Variants in WDFY4 observed in about 807,000 individuals in gnomAD.
WDFY4 encodes the protein WDFY family member 4.
WDFY4 carries 169 observed loss-of-function variants against 351.9 expected under a neutral mutation model. That is an observed-to-expected ratio of 0.48 (90% CI 0.42 to 0.55). The LOEUF is 0.55. Ranked by LOEUF, WDFY4 falls within the 20% of genes least tolerant of loss-of-function variation. The probability of loss-of-function intolerance (pLI) is 0.00; values close to 1 mark genes in which losing one functional copy is unlikely to be tolerated. For synonymous variants in WDFY4, 1,622 were observed against 1,574.6 expected (o/e 1.03, Z -0.71); for missense variants, 3,803 against 3,935.6 (o/e 0.97, Z 0.90).
chr10:48,944,901 C>T (rs1840959699), intron 49 of WDFY4, among the ~76,000 whole-genome samples: 1 of 152,152 alleles, frequency 6.6e-6, no homozygotes, highest in Admixed American at 6.5e-5. Context: ...AGGAATTTTT[C>T]TGAGCTGGCA....
chr10:48,697,111 C>T (rs1235856409), intron 1 of WDFY4, among the ~76,000 whole-genome samples: 1 of 152,122 alleles, frequency 6.6e-6, no homozygotes, highest in Non-Finnish European at 1.5e-5. Context: ...GTCACACAGC[C>T]CAGGCTAACA....
At chr10:48,836,040 T>C (rs2068379074) in intron 39 of WDFY4, among the ~76,000 whole-genome samples, 1 of 152,320 alleles carries the variant, frequency 6.6e-6, no homozygotes, top group South Asian at 2.1e-4. Flanking sequence ...TTTCAGACAC[T>C]GCATCCATCA....
chr10:48,796,035 A>G (rs1314223067), intron 23 of WDFY4, among the ~76,000 whole-genome samples: 1 of 152,050 alleles, frequency 6.6e-6, no homozygotes, highest in Non-Finnish European at 1.5e-5. Context: ...AGGCTTGAGG[A>G]GTGTGGGAGG....
At chr10:48,802,776 G>A (rs1186462880) in intron 24 of WDFY4, 1 of 471,694 alleles carries the variant, frequency 2.1e-6, no homozygotes, top group African/African-American at 2.0e-5. Flanking sequence ...TGTGTTGCCT[G>A]CGCAAATTGG....
At position 48,910,603 on chromosome 10, in the gene WDFY4, G is replaced by C. The variant is rs182804448; in HGVS notation, c.7586+8740G>C. On this transcript the variant is annotated intron_variant, in intron 47 of 61. Coordinates refer to ENST00000325239, the MANE Select transcript of WDFY4 (RefSeq NM_001394531.1). The stretch of plus-strand genomic sequence containing the variant: ...TCCAGTCTGCTTCGTCCTGCTGCCA[G>C]CATTTCCTGGCTAAAGAGGTGTCTG... 1.6e-3 allele frequency among the ~76,000 whole-genome samples: 251 copies of C among 152,304 alleles called. 2 individuals carry two copies. The highest frequency in any genetic ancestry group is 9.6e-4 in the East Asian group (5 of 5,188).
intron 39 of WDFY4, among the ~76,000 whole-genome samples, chr10:48,859,864 A>T (rs2069273547): frequency 6.6e-6 from 1 of 152,198 alleles, no homozygotes; most frequent in Non-Finnish European, 1.5e-5. Flanking sequence ...AAAAATTAGG[A>T]ATTCAGTTTT....
intron 12 of WDFY4, among the ~76,000 whole-genome samples, chr10:48,758,243 T>C (rs926316524): frequency 1.3e-5 from 2 of 152,190 alleles, no homozygotes; most frequent in East Asian, 1.9e-4. Context: ...AAATGTTGTT[T>C]CCATGACTTC....
At chr10:48,924,513 T>A (rs1019517244) in intron 47 of WDFY4, among the ~76,000 whole-genome samples, 4 of 152,196 alleles carry the variant, frequency 2.6e-5, no homozygotes, top group African/African-American at 7.2e-5. Context: ...GACGAATGGA[T>A]GTATTTATGT....
intron 51 of WDFY4, among the ~76,000 whole-genome samples, chr10:48,948,881 G>A (rs1180503742): frequency 6.6e-6 from 1 of 152,254 alleles, no homozygotes; most frequent in Admixed American, 6.5e-5. Flanking sequence ...AGTCTGGACT[G>A]CATCAAAGTA....
intron 24 of WDFY4, among the ~76,000 whole-genome samples, chr10:48,799,613 A>C (rs1185945835): frequency 6.6e-6 from 1 of 152,112 alleles, no homozygotes; most frequent in Non-Finnish European, 1.5e-5. Flanking sequence ...TCTCTACTAA[A>C]AATACAAAAA....
At chr10:48,892,994 C>CA (rs1167357265) in intron 44 of WDFY4, among the ~76,000 whole-genome samples, 4 of 152,138 alleles carry the variant, frequency 2.6e-5, no homozygotes, top group Admixed American at 6.5e-5. Flanking sequence ...TGCACACACA[C>CA]AAAAAAACAG....
chr10:48,972,394 C>T (rs1842377110), intron 57 of WDFY4, among the ~76,000 whole-genome samples: 1 of 152,176 alleles, frequency 6.6e-6, no homozygotes, highest in Non-Finnish European at 1.5e-5. Context: ...TTTGCATACT[C>T]TTATCCCCAG....
intron 39 of WDFY4, among the ~76,000 whole-genome samples, chr10:48,840,460 C>T (rs1383394107): frequency 6.6e-6 from 1 of 151,212 alleles, no homozygotes; most frequent in African/African-American, 2.4e-5. Flanking sequence ...CTCTCACGCA[C>T]ACACACACAC....
intron 11 of WDFY4, among the ~76,000 whole-genome samples, chr10:48,740,457 G>A (rs1323791056): frequency 6.6e-6 from 1 of 152,262 alleles, no homozygotes; most frequent in Non-Finnish European, 1.5e-5. Flanking sequence ...GGGGCCTCCA[G>A]GATGGGGCAG....
intron 41 of WDFY4, among the ~76,000 whole-genome samples, chr10:48,874,147 A>G (rs2069900421): frequency 6.6e-6 from 1 of 152,220 alleles, no homozygotes; most frequent in Non-Finnish European, 1.5e-5. Flanking sequence ...TTACGATGAA[A>G]ATCTCATGAA....
intron 27 of WDFY4, among the ~76,000 whole-genome samples, chr10:48,806,613 A>G (rs1334701229): frequency 3.3e-5 from 5 of 152,256 alleles, no homozygotes; most frequent in Admixed American, 1.3e-4. Context: ...ACCCTACTGA[A>G]TAGATTTGTA....
At chr10:48,786,221 G>T (rs1045676837) in intron 19 of WDFY4, among the ~76,000 whole-genome samples, 2 of 151,720 alleles carry the variant, frequency 1.3e-5, no homozygotes, top group African/African-American at 4.8e-5. Context: ...ACTTATTCTA[G>T]GATATTAAAA....
rs1325724894 is a variant in WDFY4 at position 48,943,452 on chromosome 10, A to T, written c.7749+3A>T. On this transcript the variant is annotated splice_donor_region_variant and intron_variant, in intron 49 of 61. Coordinates refer to ENST00000325239, the MANE Select transcript of WDFY4 (RefSeq NM_001394531.1). Reference sequence around the variant, plus strand: ...TCCTCGCAGACTACACCTCAGAGGTAAGTTCCTCACGTGGAAACCACAGCT... The same window carrying T: ...TCCTCGCAGACTACACCTCAGAGGTTAGTTCCTCACGTGGAAACCACAGCT... 1 of 1,551,248 alleles carries T rather than the reference A, an allele frequency of 6.4e-7. No homozygotes were observed. The highest frequency in any genetic ancestry group is 1.4e-5 in the African/African-American group (1 of 73,162).
chr10:48,943,517 T>C (rs1840889699), intron 49 of WDFY4, 68 bp downstream of exon 49: 2 of 1,496,278 alleles, frequency 1.3e-6, no homozygotes, highest in African/African-American at 1.4e-5. Flanking sequence ...AGACCCTAAG[T>C]CAGCATGCAG....
Sources: gnomAD v4.1 joint callset for allele counts (sites outside exome capture counted in the v4.1 genomes callset) on GRCh38, gnomAD v4.1.1 for gene constraint, MANE v1.5 for transcripts, NCBI Gene and HGNC (gene_info 2026-07-23, HGNC 2026-07-21) for gene names.